TBC1D32: variants seen among roughly 807,000 people sequenced by gnomAD.
TBC1D32 encodes the protein TBC1 domain family member 32.
Under a neutral mutation model 170.3 loss-of-function variants are expected in TBC1D32, and 151 were observed. The observed-to-expected ratio is 0.89, with a 90% CI of 0.78 to 1.01. The LOEUF is 1.01. Among genes scored for constraint, TBC1D32 ranks in the 50% least tolerant of loss-of-function variants. The pLI, the probability that TBC1D32 is intolerant of heterozygous loss-of-function variation, is 0.00. For synonymous variants in TBC1D32, 498 were observed against 488.0 expected (o/e 1.02, Z -0.27); for missense variants, 1,464 against 1,457.1 (o/e 1.00, Z -0.08).
At position 121,115,220 on chromosome 6, in the gene TBC1D32, T is replaced by C. The variant is rs775205468; in HGVS notation, c.3005A>G (p.Asn1002Ser). ...EYTATDANVK[N>S]ESLSSVQQLG... ...CTGCTGCACAGATGAAAGACTTTCATTCTTCACATTTGCATCAGTAGCTAA... is the reference window on the plus strand; with the variant it reads ...CTGCTGCACAGATGAAAGACTTTCACTCTTCACATTTGCATCAGTAGCTAA... Residue 1002 changes from asparagine (N) to serine (S), a missense_variant, in exon 27 of 32, where the codon AAT becomes AGT. This residue lies in a region of TBC1D32 where 1,363 missense variants were observed against 1,338.1 expected (regional missense o/e 1.02). Transcript: ENST00000398212. 2.5e-6 allele frequency: 4 copies of C among 1,600,500 alleles called. No individual in the cohort carries two copies. In the Admixed American group the frequency reaches 6.8e-5, roughly 27 times the overall value.
chr6:121,322,073 T>G (rs79735001), intron 1 of TBC1D32, among the ~76,000 whole-genome samples: 2,114 of 152,292 alleles, frequency 0.014, 43 homozygotes, highest in African/African-American at 0.047. Context: ...CATTTCTTTT[T>G]TATGCTCCTA....
At chr6:121,202,521 A>G (rs1027982035) in intron 22 of TBC1D32, among the ~76,000 whole-genome samples, 2 of 151,366 alleles carry the variant, frequency 1.3e-5, no homozygotes, top group African/African-American at 4.9e-5. Context: ...AGTCAATGTC[A>G]AATCAAAGTG....
chr6:121,262,522 G>C (rs1014824262), intron 15 of TBC1D32, among the ~76,000 whole-genome samples: 2 of 151,390 alleles, frequency 1.3e-5, no homozygotes, highest in Non-Finnish European at 2.9e-5. Flanking sequence ...TGTCACCCAG[G>C]CTGGAATGCA....
chr6:121,195,658 C>A (rs1364290041), intron 22 of TBC1D32, among the ~76,000 whole-genome samples: 1 of 152,178 alleles, frequency 6.6e-6, no homozygotes, highest in Non-Finnish European at 1.5e-5. Context: ...TGCCACCCTG[C>A]CTTCTCTCCC....
chr6:121,240,790 G>T (rs780096887), intron 19 of TBC1D32, among the ~76,000 whole-genome samples: 41 of 148,500 alleles, frequency 2.8e-4, no homozygotes, highest in Non-Finnish European at 5.0e-4. Flanking sequence ...CAGCAGAATT[G>T]CTTGAACCCA....
chr6:121,321,822 C>A, intron 1 of TBC1D32, 28 bp from the exon 2 acceptor site: 1 of 1,576,788 alleles, frequency 6.3e-7, no homozygotes, highest in Non-Finnish European at 8.6e-7. Flanking sequence ...AAAATAAATG[C>A]GGTAAATATC....
At chr6:121,246,920 A>C (rs563401089) in intron 17 of TBC1D32, among the ~76,000 whole-genome samples, 1 of 152,134 alleles carries the variant, frequency 6.6e-6, no homozygotes, top group Non-Finnish European at 1.5e-5. Flanking sequence ...GACAAGTCTA[A>C]AAGTTTGGAA....
At chr6:121,170,481 C>G (rs1318919466) in intron 22 of TBC1D32, 8 of 1,607,802 alleles carry the variant, frequency 5.0e-6, no homozygotes, top group Non-Finnish European at 6.8e-6. Context: ...TACTGAGCCT[C>G]TAACAGGAGA....
chr6:121,097,925 C>T (rs981118923), intron 30 of TBC1D32, among the ~76,000 whole-genome samples: 3 of 151,904 alleles, frequency 2.0e-5, no homozygotes, highest in African/African-American at 7.3e-5. Flanking sequence ...AACCATCATT[C>T]TCAGCAAACT....
intron 25 of TBC1D32, 29 bp downstream of exon 25, chr6:121,131,598 A>G: frequency 6.3e-7 from 1 of 1,587,384 alleles, no homozygotes; most frequent in Non-Finnish European, 8.6e-7. Flanking sequence ...CATACATAAG[A>G]AAACCCACAA....
Position 121,080,797 on chromosome 6 carries a change from G to A in TBC1D32, c.3748C>T (p.Arg1250Trp), listed in dbSNP as rs564250621. 8.7e-6 allele frequency: 14 copies of A among 1,612,964 alleles called. No homozygotes were observed. The Admixed American group carries it at 1.2e-4, about 13-fold the overall frequency. The change falls in exon 32 of 32, where the codon CGG (arginine) becomes TGG (tryptophan). Residue 1250 changes from arginine (R) to tryptophan (W), a missense_variant. Arg to Trp is a moderately radical substitution (Grantham distance 101). This residue lies in a region of TBC1D32 where 97 missense variants were observed against 102.0 expected (regional missense o/e 0.95). Coordinates refer to ENST00000398212, the MANE Select transcript of TBC1D32 (RefSeq NM_152730.6). ...NYRTVLLRDM[R>W]NIRLQST ...TATGTGCTCTGCAGTCTAATGTTCC[G>A]CATGTCTCTCAGCAGCACTGTTCGG...
chr6:121,250,904 C>T (rs145433321), intron 17 of TBC1D32, among the ~76,000 whole-genome samples: 5,000 of 152,074 alleles, frequency 0.033, 193 homozygotes, highest in East Asian at 0.12. Context: ...ACAAAATCAA[C>T]GTGCAAAAAT....
rs1016736472 is a variant in TBC1D32, at chr6:121,292,509, A to G, written c.1232-316T>C. Reference sequence around the variant, plus strand: ...AACTTCAAAAGTAAGTTAAGGGCAGAAGAAAGTTAATAGAAAATGTTAGTT... The same window carrying G: ...AACTTCAAAAGTAAGTTAAGGGCAGGAGAAAGTTAATAGAAAATGTTAGTT... On this transcript the variant is annotated intron_variant, in intron 11 of 31. Transcript: ENST00000398212. Among the ~76,000 whole-genome samples, 6 of 152,292 alleles carry G rather than the reference A, an allele frequency of 3.9e-5. No homozygotes were observed. The East Asian group carries it at 7.7e-4, about 20-fold the overall frequency.
intron 20 of TBC1D32, among the ~76,000 whole-genome samples, chr6:121,237,755 A>T (rs1796500070): frequency 6.6e-6 from 1 of 151,992 alleles, no homozygotes; most frequent in South Asian, 2.1e-4. Flanking sequence ...TATTCATTAT[A>T]AGGATATTTC....
intron 25 of TBC1D32, among the ~76,000 whole-genome samples, chr6:121,130,618 T>C (rs1017992111): frequency 6.6e-6 from 1 of 152,134 alleles, no homozygotes; most frequent in Non-Finnish European, 1.5e-5. Flanking sequence ...TGAGTAAGAG[T>C]TAAACAGCTG....
At chr6:121,225,197 C>T (rs963070300) in intron 20 of TBC1D32, among the ~76,000 whole-genome samples, 6 of 151,958 alleles carry the variant, frequency 3.9e-5, no homozygotes, top group Admixed American at 1.3e-4. Flanking sequence ...CTCTAATCAC[C>T]GGCTATTAAC....
Position 121,304,784 on chromosome 6 carries a change from T to A in TBC1D32, c.740A>T (p.His247Leu). The A allele has an allele frequency of 6.2e-7, 1 of 1,608,830 alleles. No homozygotes were observed. Among genetic ancestry groups the A allele is most frequent in the East Asian group, 2.2e-5 (1 of 44,748 alleles). Residue 247 changes from histidine to leucine, a missense_variant, in exon 6 of 32, where the codon CAT becomes CTT. Coordinates refer to ENST00000398212, the MANE Select transcript of TBC1D32 (RefSeq NM_152730.6). ...CAQTFLLSPL[H>L]MTKEIYTSLA... ...GCTTGTATAAATTTCCTTGGTCATA[T>A]GTAATGGAGAAAGCAAAAATGTCTG...
chr6:121,299,795 C>A (rs1019193706), intron 9 of TBC1D32, among the ~76,000 whole-genome samples: 1 of 151,920 alleles, frequency 6.6e-6, no homozygotes, highest in African/African-American at 2.4e-5. Context: ...AAAACCACCA[C>A]CAAAAAAGTA....
At chr6:121,231,263 T>G (rs1471266292) in intron 20 of TBC1D32, among the ~76,000 whole-genome samples, 1 of 152,148 alleles carries the variant, frequency 6.6e-6, no homozygotes, top group Non-Finnish European at 1.5e-5. Context: ...CTGGCTGATC[T>G]TTTTATGGCT....
Sources: allele counts gnomAD v4.1 joint callset (sites outside exome capture counted in the v4.1 genomes callset), GRCh38; gene constraint gnomAD v4.1.1; regional missense constraint gnomAD v4.1.1; transcripts MANE v1.5; gene names NCBI Gene and HGNC (gene_info 2026-07-23, HGNC 2026-07-21).